Variants in GADL1 observed in about 807,000 individuals in gnomAD.
The protein encoded by GADL1 is acidic amino acid decarboxylase GADL1.
Under a neutral mutation model 69.5 loss-of-function variants are expected in GADL1, and 71 were observed. The observed-to-expected ratio is 1.02, with a 90% confidence interval of 0.84 to 1.25. The LOEUF (loss-of-function observed/expected upper bound fraction) is 1.25, where lower values mean the gene tolerates loss of function less well. Among genes scored for constraint, GADL1 ranks in the 50% most tolerant of loss-of-function variants. The probability of loss-of-function intolerance (pLI) is 0.00; values close to 1 mark genes in which losing one functional copy is unlikely to be tolerated. For synonymous variants in GADL1, 254 were observed against 214.4 expected, an observed-to-expected ratio of 1.18 and a Z score of -1.62; for missense variants, 737 against 631.8, an observed-to-expected ratio of 1.17 and a Z score of -1.79.
chr3:30,794,434 A>G, intron 12 of GADL1, among the ~76,000 whole-genome samples: 1 of 152,074 alleles, frequency 6.6e-6, no homozygotes, highest in East Asian at 1.9e-4. Context: ...ATAGTAAAAC[A>G]TTTTTTACTT....
intron 1 of GADL1, among the ~76,000 whole-genome samples, chr3:30,870,077 A>G (rs1698459448): frequency 6.6e-6 from 1 of 151,864 alleles, no homozygotes; most frequent in African/African-American, 2.4e-5. Flanking sequence ...TTATGTATAG[A>G]ACTCTGTGTA....
intron 7 of GADL1, 37 bp downstream of exon 7, chr3:30,844,350 C>T (rs1698020107): frequency 1.9e-6 from 3 of 1,579,180 alleles, no homozygotes; most frequent in South Asian, 1.1e-5. Context: ...AAACTTTTCC[C>T]TCCACCCACC....
chr3:30,840,447 C>T (rs1464246314), intron 8 of GADL1, among the ~76,000 whole-genome samples: 1 of 152,114 alleles, frequency 6.6e-6, no homozygotes, highest in Non-Finnish European at 1.5e-5. Context: ...CAGTAGGTGA[C>T]AGAGCCCTGG....
intron 12 of GADL1, chr3:30,800,251 C>A (rs971650740): frequency 5.2e-5 from 8 of 153,232 alleles, no homozygotes; most frequent in South Asian, 2.1e-4. Flanking sequence ...TGGCGGAAGC[C>A]GAAAGGCACT....
chr3:30,771,541 A>AT (rs1250434618), intron 14 of GADL1, among the ~76,000 whole-genome samples: 1 of 152,214 alleles, frequency 6.6e-6, no homozygotes, highest in Non-Finnish European at 1.5e-5. Context: ...GCACTTTGAT[A>AT]TTAGACTCTT....
At chr3:30,866,428 C>A (rs1294906551) in intron 1 of GADL1, among the ~76,000 whole-genome samples, 2 of 152,080 alleles carry the variant, frequency 1.3e-5, no homozygotes, top group Non-Finnish European at 2.9e-5. Context: ...CACTGCACTT[C>A]AGCCTGGGCA....
chr3:30,838,200 C>T (rs1697904181), intron 9 of GADL1, among the ~76,000 whole-genome samples: 1 of 152,048 alleles, frequency 6.6e-6, no homozygotes, highest in Non-Finnish European at 1.5e-5. Context: ...GTGCAATTGT[C>T]TCTTTGGTTA....
intron 14 of GADL1, among the ~76,000 whole-genome samples, chr3:30,767,128 CT>C (rs757590396): frequency 2.0e-5 from 3 of 152,212 alleles, no homozygotes; most frequent in African/African-American, 4.8e-5. Context: ...AAATATCCTC[CT>C]GTTATTGATG....
At chr3:30,789,432 C>A (rs895554941) in intron 12 of GADL1, among the ~76,000 whole-genome samples, 1 of 152,128 alleles carries the variant, frequency 6.6e-6, no homozygotes, top group African/African-American at 2.4e-5. Context: ...GTAAGTTTAG[C>A]GTAAATCTGA....
intron 1 of GADL1, among the ~76,000 whole-genome samples, chr3:30,873,828 T>A (rs951283891): frequency 6.6e-6 from 1 of 151,874 alleles, no homozygotes; most frequent in African/African-American, 2.4e-5. Flanking sequence ...ATTTTCTAGG[T>A]GAACAGGAGG....
intron 1 of GADL1, among the ~76,000 whole-genome samples, chr3:30,877,972 A>C (rs1332683656): frequency 1.3e-5 from 2 of 151,936 alleles, no homozygotes; most frequent in East Asian, 3.9e-4. Context: ...AAAATCTCAG[A>C]TGCTGGTAGA....
intron 2 of GADL1, among the ~76,000 whole-genome samples, chr3:30,859,089 G>C (rs1295141431): frequency 1.3e-5 from 2 of 151,980 alleles, no homozygotes; most frequent in African/African-American, 4.8e-5. Context: ...TAGAGAGGTG[G>C]GGGCGGAGGC....
chr3:30,748,333 A>C (rs1053126975), intron 14 of GADL1, among the ~76,000 whole-genome samples: 1 of 152,226 alleles, frequency 6.6e-6, no homozygotes, highest in Non-Finnish European at 1.5e-5. Context: ...AGTTATGAAA[A>C]AAACAAAACA....
chr3:30,762,398 TACAC>T (rs1696159051), intron 14 of GADL1, among the ~76,000 whole-genome samples: 1 of 152,134 alleles, frequency 6.6e-6, no homozygotes, highest in South Asian at 2.1e-4. Flanking sequence ...CATGAAAAAA[TACAC>T]AAAGCATATC....
chr3:30,739,610 T>A (rs1695588610), intron 14 of GADL1, among the ~76,000 whole-genome samples: 1 of 152,228 alleles, frequency 6.6e-6, no homozygotes, highest in Non-Finnish European at 1.5e-5. Flanking sequence ...CATGTTTTAC[T>A]GCACTTCTTT....
At chr3:30,743,261 G>T (rs574241588) in intron 14 of GADL1, among the ~76,000 whole-genome samples, 131 of 152,226 alleles carry the variant, frequency 8.6e-4, no homozygotes, top group African/African-American at 3.0e-3. Context: ...TCACAGAAGG[G>T]TTGGCTTTCT....
chr3:30,732,767 GT>G (rs1210765577), intron 14 of GADL1, among the ~76,000 whole-genome samples: 2 of 152,144 alleles, frequency 1.3e-5, no homozygotes, highest in Non-Finnish European at 2.9e-5. Flanking sequence ...AATACAAAGT[GT>G]TTTTCAGGGT....
chr3:30,819,550 T>A lies in GADL1; in HGVS notation c.1050+14303A>T, dbSNP rs562112274. Among the ~76,000 whole-genome samples the A allele has an allele frequency of 8.3e-4, 126 of 152,214 alleles. 1 individual carries two copies. Among genetic ancestry groups the A allele is most frequent in the African/African-American group, 3.0e-3 (124 of 41,550 alleles). On this transcript the variant is annotated intron_variant, in intron 11 of 14. Transcript: ENST00000282538. ...ATTACAGATTAATTGGAAAGTAATT[T>A]AGATGAGCACACTCCAAAATGGAAC...
At chr3:30,799,803 C>G (rs1697124472) in intron 12 of GADL1, 1 of 152,280 alleles carries the variant, frequency 6.6e-6, no homozygotes, top group Non-Finnish European at 1.5e-5. Flanking sequence ...CATAAATCAT[C>G]TCTCTCAAGT....
Sources: gnomAD v4.1 joint callset for allele counts (sites outside exome capture counted in the v4.1 genomes callset) on GRCh38, gnomAD v4.1.1 for gene constraint, MANE v1.5 for transcripts, NCBI Gene and HGNC (gene_info 2026-07-23, HGNC 2026-07-21) for gene names.